The following NTM variants were observed in gnomAD, a reference collection of about 807,000 sequenced individuals.
NTM encodes IgLON family member 2.
Under a neutral mutation model 42.1 loss-of-function variants are expected in NTM, and 13 were observed. The ratio of observed to expected loss-of-function variants is 0.31; its 90% CI spans 0.20 to 0.49. NTM has a LOEUF of 0.49. Among genes scored for constraint, NTM ranks in the 20% least tolerant of loss-of-function variants. NTM has a pLI of 0.99. For synonymous variants in NTM, 187 were observed against 179.2 expected, an observed-to-expected ratio of 1.04 and a Z score of -0.35; for missense variants, 373 against 452.8, an observed-to-expected ratio of 0.82 and a Z score of 1.60.
chr11:132,117,543 A>G (rs2064081935), intron 2 of NTM, among the ~76,000 whole-genome samples: 1 of 152,204 alleles, frequency 6.6e-6, no homozygotes, highest in Non-Finnish European at 1.5e-5. Context: ...CATTAATGTA[A>G]TCAATGCTAA....
chr11:131,867,413 A>G (rs1428672219), intron 1 of NTM, among the ~76,000 whole-genome samples: 5 of 151,370 alleles, frequency 3.3e-5, no homozygotes, highest in East Asian at 1.9e-4. Context: ...ATGTGTGTTT[A>G]CGTCTGTGTG....
intron 3 of NTM, among the ~76,000 whole-genome samples, chr11:132,194,601 T>A (rs910439628): frequency 1.3e-5 from 2 of 152,020 alleles, no homozygotes; most frequent in African/African-American, 4.8e-5. Flanking sequence ...AACATAATAC[T>A]GAAAGTCCTT....
At chr11:131,871,456 G>C (rs2047773729) in intron 1 of NTM, among the ~76,000 whole-genome samples, 1 of 152,174 alleles carries the variant, frequency 6.6e-6, no homozygotes, top group African/African-American at 2.4e-5. Context: ...GGAAGTGGAG[G>C]TATCACAGGC....
chr11:131,889,912 C>T (rs1219827401), intron 1 of NTM, among the ~76,000 whole-genome samples: 1 of 152,144 alleles, frequency 6.6e-6, no homozygotes, highest in Non-Finnish European at 1.5e-5. Flanking sequence ...TCTCCCTCCA[C>T]CTTCAGAAAC....
intron 1 of NTM, among the ~76,000 whole-genome samples, chr11:131,515,400 C>T (rs956289566): frequency 2.0e-5 from 3 of 152,148 alleles, no homozygotes; most frequent in African/African-American, 7.2e-5. Context: ...TGGTAGATGG[C>T]CTTTCCTGCC....
chr11:131,449,817 G>T (rs1394087761), intron 1 of NTM, among the ~76,000 whole-genome samples: 1 of 152,176 alleles, frequency 6.6e-6, no homozygotes, highest in Non-Finnish European at 1.5e-5. Flanking sequence ...CTGTGCAGAA[G>T]CCTGTCCCTA....
At position 132,080,951 on chromosome 11, in the gene NTM, AG is replaced by A. The variant is rs199781356; in HGVS notation, c.168-65328del. Among the ~76,000 whole-genome samples, 955 of 152,348 alleles carry A rather than the reference AG, an allele frequency of 6.3e-3. 15 individuals carry two copies. Among genetic ancestry groups the A allele is most frequent in the African/African-American group, 0.022 (902 of 41,594 alleles). ...AGATACAGTAAAAATGTAAAAGTTT[AG>A]GGCAAGGTCCCATCCTCTACCCAGT... On this transcript the variant is annotated intron_variant, in intron 2 of 8. Coordinates refer to ENST00000683400, the MANE Select transcript of NTM (RefSeq NM_001352005.2).
intron 4 of NTM, among the ~76,000 whole-genome samples, chr11:132,246,310 C>T (rs1176453503): frequency 1.3e-5 from 2 of 152,228 alleles, no homozygotes; most frequent in East Asian, 3.9e-4. Flanking sequence ...GACACAATCG[C>T]ACAGTGAAAG....
At chr11:131,676,887 T>C (rs1565410224) in intron 1 of NTM, among the ~76,000 whole-genome samples, 1 of 152,236 alleles carries the variant, frequency 6.6e-6, no homozygotes, top group Non-Finnish European at 1.5e-5. Context: ...TGTCCGTTAT[T>C]ACAGTCGCCT....
At chr11:132,330,304 C>A in intron 8 of NTM, 119 bp downstream of exon 8, 2 of 1,049,182 alleles carry the variant, frequency 1.9e-6, no homozygotes, top group Non-Finnish European at 1.4e-6. Flanking sequence ...CAGAGGGAAC[C>A]CTCCCCCAAC....
chr11:131,453,516 A>G (rs967074695), intron 1 of NTM, among the ~76,000 whole-genome samples: 1 of 150,394 alleles, frequency 6.6e-6, no homozygotes, highest in Non-Finnish European at 1.5e-5. Context: ...CTACAAAGCG[A>G]CAAGTACAAC....
intron 2 of NTM, among the ~76,000 whole-genome samples, chr11:132,018,462 A>G (rs548691002): frequency 6.6e-6 from 1 of 151,906 alleles, no homozygotes; most frequent in African/African-American, 2.4e-5. Flanking sequence ...ATTTTTAAAA[A>G]TGTTTTTCTT....
At chr11:131,826,244 A>G (rs1413126885) in intron 1 of NTM, among the ~76,000 whole-genome samples, 1 of 152,126 alleles carries the variant, frequency 6.6e-6, no homozygotes, top group Non-Finnish European at 1.5e-5. Flanking sequence ...CAGAGGAGGG[A>G]GTTGCCCACT....
At chr11:131,589,045 G>A (rs776883808) in intron 1 of NTM, among the ~76,000 whole-genome samples, 10 of 152,172 alleles carry the variant, frequency 6.6e-5, no homozygotes, top group African/African-American at 9.7e-5. Flanking sequence ...GTTGGTCTTC[G>A]TCCTGTAGGT....
chr11:131,591,255 C>A (rs2059340612), intron 1 of NTM, among the ~76,000 whole-genome samples: 1 of 152,206 alleles, frequency 6.6e-6, no homozygotes, highest in South Asian at 2.1e-4. Flanking sequence ...GCTCAGCCAG[C>A]ACTGAAAGGT....
At chr11:131,946,047 C>T (rs1030769511) in intron 2 of NTM, among the ~76,000 whole-genome samples, 2 of 152,068 alleles carry the variant, frequency 1.3e-5, no homozygotes, top group African/African-American at 2.4e-5. Flanking sequence ...ATTGATAGAA[C>T]CCAGAAGTTA....
intron 1 of NTM, among the ~76,000 whole-genome samples, chr11:131,372,451 T>G (rs954069520): frequency 6.6e-6 from 1 of 152,012 alleles, no homozygotes; most frequent in Non-Finnish European, 1.5e-5. Flanking sequence ...TCAGTGTGTG[T>G]GTGTGTGCGT....
chr11:132,044,170 GTGCATGTGTA>G (rs2077650454), intron 2 of NTM, among the ~76,000 whole-genome samples: 1 of 44,362 alleles, frequency 2.3e-5, no homozygotes, highest in Non-Finnish European at 3.8e-5. Flanking sequence ...GTGTGCTTAT[GTGCATGTGTA>G]TGTGTGTGTG....
At chr11:131,876,903 G>C (rs1473501124) in intron 1 of NTM, among the ~76,000 whole-genome samples, 1 of 150,764 alleles carries the variant, frequency 6.6e-6, no homozygotes, top group Non-Finnish European at 1.5e-5. Context: ...CTGTCACCCA[G>C]GCTGGAGAGC....
Sources: allele counts gnomAD v4.1 joint callset (sites outside exome capture counted in the v4.1 genomes callset), GRCh38; gene constraint gnomAD v4.1.1; transcripts MANE v1.5; gene names NCBI Gene and HGNC (gene_info 2026-07-23, HGNC 2026-07-21).